Variants in EFNA5 observed in about 807,000 individuals in gnomAD.
The protein encoded by EFNA5 is ephrin A5, also known as ephrin-A5.
A neutral mutation model predicts 22.9 loss-of-function variants in EFNA5; 5 were observed. The ratio of observed to expected loss-of-function variants is 0.22; its 90% confidence interval spans 0.11 to 0.46. The LOEUF is 0.46. Among genes scored for constraint, EFNA5 ranks in the 20% least tolerant of loss-of-function variants. The probability of loss-of-function intolerance (pLI) is 0.99; values close to 1 mark genes in which losing one functional copy is unlikely to be tolerated. For synonymous variants in EFNA5, 113 were observed against 112.2 expected (o/e 1.01, Z -0.04); for missense variants, 237 against 293.3 (o/e 0.81, Z 1.40).
chr5:107,455,473 T>C (rs952149492), intron 1 of EFNA5, among the ~76,000 whole-genome samples: 1 of 152,142 alleles, frequency 6.6e-6, no homozygotes, highest in African/African-American at 2.4e-5. Flanking sequence ...CTGGCACATT[T>C]TTAAAATTCT....
intron 1 of EFNA5, among the ~76,000 whole-genome samples, chr5:107,602,790 T>C (rs988565286): frequency 1.3e-5 from 2 of 151,988 alleles, no homozygotes; most frequent in Non-Finnish European, 2.9e-5. Context: ...TCCCAGTCGT[T>C]AGACGTGGCA....
intron 2 of EFNA5, among the ~76,000 whole-genome samples, chr5:107,397,830 G>A (rs1457812295): frequency 6.6e-6 from 1 of 152,136 alleles, no homozygotes; most frequent in Admixed American, 6.5e-5. Context: ...CACTCAAAAT[G>A]CTTTCCATGA....
rs907577031 is a variant in EFNA5, at chr5:107,507,295, C to A, written c.126-79786G>T. Among the ~76,000 whole-genome samples the A allele has an allele frequency of 7.2e-5, 11 of 152,228 alleles. No individual in the cohort carries two copies. In the East Asian group the frequency reaches 1.9e-3, roughly 27 times the overall value. On this transcript the variant is annotated intron_variant, in intron 1 of 4. Transcript: ENST00000333274. ...GTAAAATATGGATTACAAATCTCAT[C>A]TCCTAACTATGGTTGACTGCTTTGC...
chr5:107,575,526 T>G (rs535184337), intron 1 of EFNA5, among the ~76,000 whole-genome samples: 1 of 152,310 alleles, frequency 6.6e-6, no homozygotes, highest in East Asian at 1.9e-4. Context: ...TTTTAAATGT[T>G]TTTATTAACA....
intron 2 of EFNA5, among the ~76,000 whole-genome samples, chr5:107,416,469 C>T (rs916316424): frequency 1.3e-5 from 2 of 152,104 alleles, no homozygotes; most frequent in African/African-American, 4.8e-5. Context: ...CCTCAGTTTC[C>T]TCATCTATAT....
At chr5:107,662,755 T>C (rs951563813) in intron 1 of EFNA5, among the ~76,000 whole-genome samples, 2 of 150,132 alleles carry the variant, frequency 1.3e-5, no homozygotes, top group Non-Finnish European at 3.0e-5. Flanking sequence ...TCAGTACCTT[T>C]TGCGGGAGAA....
intron 1 of EFNA5, among the ~76,000 whole-genome samples, chr5:107,542,079 T>C (rs900592605): frequency 1.3e-5 from 2 of 152,194 alleles, no homozygotes; most frequent in African/African-American, 4.8e-5. Context: ...TTTGTTAAGA[T>C]CTGATTATAT....
intron 1 of EFNA5, among the ~76,000 whole-genome samples, chr5:107,538,324 C>A (rs112159401): frequency 0.04 from 6,153 of 152,190 alleles, 403 homozygotes; most frequent in African/African-American, 0.14. Flanking sequence ...GAGGTACTTA[C>A]TGATGTTTAC....
intron 1 of EFNA5, among the ~76,000 whole-genome samples, chr5:107,471,418 G>GATAT (rs1750138210): frequency 6.6e-6 from 1 of 152,054 alleles, no homozygotes; most frequent in Non-Finnish European, 1.5e-5. Flanking sequence ...CAGGACTGAG[G>GATAT]ATATTATTAC....
At chr5:107,550,579 C>T (rs1748273008) in intron 1 of EFNA5, among the ~76,000 whole-genome samples, 3 of 152,190 alleles carry the variant, frequency 2.0e-5, no homozygotes, top group African/African-American at 7.2e-5. Context: ...GATATATGTA[C>T]TGTACCTTAA....
At chr5:107,424,696 T>A (rs974179321) in intron 2 of EFNA5, among the ~76,000 whole-genome samples, 5 of 152,146 alleles carry the variant, frequency 3.3e-5, no homozygotes, top group African/African-American at 1.2e-4. Context: ...TTCCCAATCA[T>A]CTTGTTCATT....
At chr5:107,554,765 T>C (rs148910022) in intron 1 of EFNA5, among the ~76,000 whole-genome samples, 12 of 152,352 alleles carry the variant, frequency 7.9e-5, no homozygotes, top group African/African-American at 2.9e-4. Flanking sequence ...CACTATTTTC[T>C]ATACTTTGCA....
chr5:107,426,000 C>G (rs1748801249), intron 2 of EFNA5, among the ~76,000 whole-genome samples: 1 of 152,134 alleles, frequency 6.6e-6, no homozygotes, highest in South Asian at 2.1e-4. Context: ...CTGATTCTTC[C>G]AAGCAGGTGA....
chr5:107,668,680 G>C (rs1751121830), intron 1 of EFNA5, among the ~76,000 whole-genome samples: 1 of 151,984 alleles, frequency 6.6e-6, no homozygotes, highest in East Asian at 1.9e-4. Flanking sequence ...TATTTAATAA[G>C]GTGCTAAAGT....
chr5:107,540,344 C>T (rs163889), intron 1 of EFNA5, among the ~76,000 whole-genome samples: 4 of 152,038 alleles, frequency 2.6e-5, no homozygotes, highest in South Asian at 2.1e-4. Context: ...AAGTTTGCTA[C>T]GGCTGTAAAA....
Position 107,521,576 on chromosome 5 carries a change from G to T in EFNA5, c.126-94067C>A, listed in dbSNP as rs565183932. On this transcript the variant is annotated intron_variant, in intron 1 of 4. Coordinates refer to ENST00000333274, the MANE Select transcript of EFNA5 (RefSeq NM_001962.3). ...CCCTCCCACCTCAGCCTCCCAAAGT[G>T]CTGGGATTCCAGGCATGAGCCACCA... is the stretch of plus-strand genomic sequence containing the variant. 8.6e-5 allele frequency among the ~76,000 whole-genome samples: 13 copies of T among 150,920 alleles called. 1 individual carries two copies. In the South Asian group the frequency reaches 2.7e-3, roughly 32 times the overall value.
intron 1 of EFNA5, among the ~76,000 whole-genome samples, chr5:107,465,587 A>G (rs1228701607): frequency 2.6e-5 from 4 of 152,190 alleles, no homozygotes; most frequent in African/African-American, 7.2e-5. Flanking sequence ...TAAGTCCAAC[A>G]TAATTGAAAA....
chr5:107,488,264 G>A (rs1746700365), intron 1 of EFNA5, among the ~76,000 whole-genome samples: 1 of 152,156 alleles, frequency 6.6e-6, no homozygotes, highest in African/African-American at 2.4e-5. Flanking sequence ...TTTATTGATT[G>A]ATTGATTCAT....
chr5:107,503,527 T>C (rs1468812278), intron 1 of EFNA5, among the ~76,000 whole-genome samples: 1 of 152,170 alleles, frequency 6.6e-6, no homozygotes, highest in East Asian at 1.9e-4. Flanking sequence ...GCCTCAGAAA[T>C]TGCCTGAAAA....
Sources: gnomAD v4.1 joint callset for allele counts (sites outside exome capture counted in the v4.1 genomes callset) on GRCh38, gnomAD v4.1.1 for gene constraint, MANE v1.5 for transcripts, NCBI Gene and HGNC (gene_info 2026-07-23, HGNC 2026-07-21) for gene names.